Variants in SGCZ observed in about 807,000 individuals in gnomAD.
The protein encoded by SGCZ is sarcoglycan zeta.
In SGCZ, 40 loss-of-function variants were observed where a neutral mutation model predicts 41.3. That is an observed-to-expected ratio of 0.97 (90% CI 0.75 to 1.26). The LOEUF is 1.26. Ranked by LOEUF, SGCZ falls within the 50% of genes most tolerant of loss-of-function variation. The pLI is 0.00. For synonymous variants in SGCZ, 206 were observed against 137.5 expected (o/e 1.50, Z -3.49); for missense variants, 552 against 369.8 (o/e 1.49, Z -4.04).
At chr8:14,911,712 A>G (rs1585371849) in intron 1 of SGCZ, among the ~76,000 whole-genome samples, 1 of 152,066 alleles carries the variant, frequency 6.6e-6, no homozygotes, top group East Asian at 1.9e-4. Context: ...ACCATAAAAT[A>G]GTGCTTGTTT....
At chr8:14,398,563 T>A (rs1798981876) in intron 2 of SGCZ, among the ~76,000 whole-genome samples, 1 of 152,188 alleles carries the variant, frequency 6.6e-6, no homozygotes, top group Non-Finnish European at 1.5e-5. Context: ...TGAGGACAGC[T>A]GTCCTGGACA....
At chr8:14,526,962 T>G (rs1240345846) in intron 2 of SGCZ, among the ~76,000 whole-genome samples, 4 of 152,138 alleles carry the variant, frequency 2.6e-5, no homozygotes. Flanking sequence ...AACAGACAAC[T>G]GCCGACTTGT....
chr8:15,080,650 G>A (rs7842315), intron 1 of SGCZ, among the ~76,000 whole-genome samples: 7,020 of 152,040 alleles, frequency 0.046, 528 homozygotes, highest in African/African-American at 0.16. Context: ...GAGTGCAGTG[G>A]CGCAATCTCA....
chr8:15,068,808 T>G (rs1805245779), intron 1 of SGCZ, among the ~76,000 whole-genome samples: 1 of 152,190 alleles, frequency 6.6e-6, no homozygotes, highest in Admixed American at 6.5e-5. Flanking sequence ...CTCAGCAATA[T>G]ACACAGTCAA....
At chr8:14,771,673 G>T (rs191904310) in intron 1 of SGCZ, among the ~76,000 whole-genome samples, 3 of 152,080 alleles carry the variant, frequency 2.0e-5, no homozygotes, top group African/African-American at 7.2e-5. Flanking sequence ...CAATTTGTTT[G>T]CAATCAAATA....
At chr8:14,099,586 ATGG>A (rs1801948277) in intron 7 of SGCZ, among the ~76,000 whole-genome samples, 2 of 152,036 alleles carry the variant, frequency 1.3e-5, no homozygotes. Context: ...TTAGCCAGGA[ATGG>A]TGGCAGGTGC....
At chr8:15,047,428 A>G (rs1218299562) in intron 1 of SGCZ, among the ~76,000 whole-genome samples, 2 of 152,058 alleles carry the variant, frequency 1.3e-5, no homozygotes, top group African/African-American at 4.8e-5. Flanking sequence ...CTTCATATAA[A>G]TGCAGTCATA....
At chr8:14,431,528 C>T (rs1053777346) in intron 2 of SGCZ, among the ~76,000 whole-genome samples, 1 of 152,118 alleles carries the variant, frequency 6.6e-6, no homozygotes, top group Non-Finnish European at 1.5e-5. Flanking sequence ...TCACCTTATA[C>T]AAAAATCAAC....
intron 1 of SGCZ, among the ~76,000 whole-genome samples, chr8:15,078,232 T>C (rs1420942204): frequency 6.8e-6 from 1 of 146,556 alleles, no homozygotes; most frequent in African/African-American, 2.5e-5. Context: ...TAATTTTTCC[T>C]GGTCATGAGA....
At chr8:14,409,450 G>A (rs10441660) in intron 2 of SGCZ, among the ~76,000 whole-genome samples, 57,059 of 151,724 alleles carry the variant, frequency 0.38, 11,716 homozygotes, top group African/African-American at 0.55. Flanking sequence ...GACACTCAGC[G>A]TTTGGTAATG....
chr8:14,558,322 C>A (rs1489158212), intron 1 of SGCZ, among the ~76,000 whole-genome samples: 1 of 152,086 alleles, frequency 6.6e-6, no homozygotes, highest in Non-Finnish European at 1.5e-5. Context: ...CACCTGTAAT[C>A]TCAGTACTTT....
chr8:14,192,014 A>T (rs1805119221), intron 4 of SGCZ, among the ~76,000 whole-genome samples: 1 of 152,138 alleles, frequency 6.6e-6, no homozygotes, highest in African/African-American at 2.4e-5. Context: ...TTGTATAAAC[A>T]TACTATTAAT....
At position 14,090,312 on chromosome 8, in the gene SGCZ, G is replaced by C; in HGVS notation, c.*131C>G. 1.1e-6 allele frequency: 1 copy of C among 879,946 alleles called. No homozygotes were observed. The allele number at this position is 879,946 out of a possible 1,614,324, so 54.5% of individuals were successfully genotyped here. A position where few individuals can be genotyped will look rare whatever the true frequency, so the allele number is the denominator to read the frequency against. On this transcript the variant is annotated 3_prime_UTR_variant, in exon 8 of 8. Transcript: ENST00000382080. ...CAAGAGAAGGTGGTGGCGAATCCCT[G>C]CTCACACTGGAAGTTGCTCTGTGGA...
chr8:14,983,324 G>C (rs551041437), intron 1 of SGCZ, among the ~76,000 whole-genome samples: 1 of 151,788 alleles, frequency 6.6e-6, no homozygotes, highest in East Asian at 1.9e-4. Context: ...CAGCACACCA[G>C]GTGGCTACGG....
At chr8:14,503,591 G>A (rs10088958) in intron 2 of SGCZ, among the ~76,000 whole-genome samples, 124,602 of 151,986 alleles carry the variant, frequency 0.82, 51,578 homozygotes, top group African/African-American at 0.95. Flanking sequence ...AACATGCTAA[G>A]TCCCAATCTC....
intron 1 of SGCZ, among the ~76,000 whole-genome samples, chr8:14,855,190 A>G (rs1431358807): frequency 6.6e-6 from 1 of 151,794 alleles, no homozygotes; most frequent in Non-Finnish European, 1.5e-5. Context: ...GTAGCTGGGA[A>G]TAAGGGATGC....
intron 1 of SGCZ, among the ~76,000 whole-genome samples, chr8:14,820,077 G>A (rs1400360721): frequency 6.6e-6 from 1 of 151,630 alleles, no homozygotes; most frequent in Non-Finnish European, 1.5e-5. Context: ...GGTATAGAGT[G>A]GCTAAATGGA....
intron 4 of SGCZ, among the ~76,000 whole-genome samples, chr8:14,168,817 T>C (rs1297113922): frequency 1.3e-5 from 2 of 152,222 alleles, no homozygotes; most frequent in African/African-American, 4.8e-5. Context: ...AATTGCCTAC[T>C]TTTTCTTTAC....
At chr8:14,163,289 C>T (rs1321150841) in intron 5 of SGCZ, among the ~76,000 whole-genome samples, 1 of 151,990 alleles carries the variant, frequency 6.6e-6, no homozygotes, top group Admixed American at 6.6e-5. Flanking sequence ...AATACTTATT[C>T]GTTATTTTTC....
Sources: gnomAD v4.1 joint callset for allele counts (sites outside exome capture counted in the v4.1 genomes callset) on GRCh38, gnomAD v4.1.1 for gene constraint, MANE v1.5 for transcripts, NCBI Gene and HGNC (gene_info 2026-07-23, HGNC 2026-07-21) for gene names.